Variants in RASAL2 observed in about 807,000 individuals in gnomAD.
RASAL2 encodes the protein RAS protein activator like 2.
Under a neutral mutation model 128.9 loss-of-function variants are expected in RASAL2, and 58 were observed. The observed-to-expected ratio is 0.45, with a 90% confidence interval of 0.36 to 0.56. The LOEUF (loss-of-function observed/expected upper bound fraction) is 0.56, where lower values mean the gene tolerates loss of function less well. RASAL2 is among the 20% of genes least tolerant of loss of function. The probability of loss-of-function intolerance (pLI) is 0.00; values close to 1 mark genes in which losing one functional copy is unlikely to be tolerated. For synonymous variants in RASAL2, 561 were observed against 580.8 expected, an observed-to-expected ratio of 0.97 and a Z score of 0.49; for missense variants, 1,360 against 1,601.6, an observed-to-expected ratio of 0.85 and a Z score of 2.57.
intron 3 of RASAL2, among the ~76,000 whole-genome samples, chr1:178,349,770 T>C (rs750696624): frequency 1.3e-5 from 2 of 152,212 alleles, no homozygotes; most frequent in African/African-American, 2.4e-5. Context: ...TTGGCTTTAA[T>C]ATAATTTTGC....
chr1:178,241,263 A>G (rs988410063), intron 1 of RASAL2, among the ~76,000 whole-genome samples: 95 of 152,152 alleles, frequency 6.2e-4, no homozygotes, highest in African/African-American at 2.2e-3. Flanking sequence ...AAAGAATGAA[A>G]GAATGAAGAG....
chr1:178,401,357 G>A (rs1673617310), intron 4 of RASAL2, among the ~76,000 whole-genome samples: 1 of 152,204 alleles, frequency 6.6e-6, no homozygotes, highest in Non-Finnish European at 1.5e-5. Flanking sequence ...TAGTGAGTAG[G>A]AAGAATTTCT....
chr1:178,214,888 T>C (rs1325611658), intron 1 of RASAL2, among the ~76,000 whole-genome samples: 1 of 152,194 alleles, frequency 6.6e-6, no homozygotes, highest in Non-Finnish European at 1.5e-5. Context: ...ATTTTGCATT[T>C]ATCCCTAGTA....
chr1:178,357,317 T>G (rs1391042349), intron 3 of RASAL2, among the ~76,000 whole-genome samples: 1 of 152,154 alleles, frequency 6.6e-6, no homozygotes, highest in Non-Finnish European at 1.5e-5. Context: ...GAAATGAGAT[T>G]TTTTTTCAGC....
At chr1:178,263,353 C>T (rs1019277318) in intron 1 of RASAL2, among the ~76,000 whole-genome samples, 1 of 152,108 alleles carries the variant, frequency 6.6e-6, no homozygotes, top group African/African-American at 2.4e-5. Context: ...CACCACATTC[C>T]TACATAGTAG....
chr1:178,368,232 T>G (rs967186750), intron 3 of RASAL2, among the ~76,000 whole-genome samples: 3 of 152,194 alleles, frequency 2.0e-5, no homozygotes, highest in Non-Finnish European at 2.9e-5. Context: ...ACTGGCTGTG[T>G]TGATTTGGAA....
chr1:178,181,466 T>A (rs1195171131), intron 1 of RASAL2, among the ~76,000 whole-genome samples: 5 of 152,206 alleles, frequency 3.3e-5, no homozygotes, highest in African/African-American at 1.2e-4. Context: ...CACGCCATTC[T>A]CCTGCCTCAG....
At chr1:178,199,242 C>T (rs188689595) in intron 1 of RASAL2, among the ~76,000 whole-genome samples, 8 of 152,190 alleles carry the variant, frequency 5.3e-5, no homozygotes, top group Non-Finnish European at 1.0e-4. Context: ...GGAAATCCCT[C>T]GACACCTTGC....
At chr1:178,141,177 A>ACTTTT (rs1204693680) in intron 1 of RASAL2, among the ~76,000 whole-genome samples, 39 of 126,426 alleles carry the variant, frequency 3.1e-4, no homozygotes, top group African/African-American at 4.2e-4. Context: ...ACTGGAGACC[A>ACTTTT]CTTTTCTTTT....
chr1:178,388,397 A>T lies in RASAL2; in HGVS notation c.458-1703A>T, dbSNP rs1486573413. Among the ~76,000 whole-genome samples the T allele has an allele frequency of 4.6e-5, 7 of 152,206 alleles. No individual in the cohort carries two copies. In the East Asian group the frequency reaches 1.3e-3, roughly 29 times the overall value. ...CCATTTTTCAGCGATGTGCATTAGA[A>T]GTCATGTGTGCCTAATTCTGAGAAC... On this transcript the variant is annotated intron_variant, in intron 3 of 17. Transcript: ENST00000367649.
chr1:178,174,564 CT>C (rs1440049205), intron 1 of RASAL2, among the ~76,000 whole-genome samples: 4 of 152,050 alleles, frequency 2.6e-5, no homozygotes, highest in Non-Finnish European at 5.9e-5. Flanking sequence ...AGGTTGGCAC[CT>C]GATAAAATGA....
intron 4 of RASAL2, among the ~76,000 whole-genome samples, chr1:178,405,349 G>C (rs963986095): frequency 1.3e-5 from 2 of 152,184 alleles, no homozygotes; most frequent in African/African-American, 4.8e-5. Flanking sequence ...TAGAATAGTG[G>C]TTCCTCCCCC....
At chr1:178,137,849 CT>C (rs1189801603) in intron 1 of RASAL2, among the ~76,000 whole-genome samples, 1 of 152,112 alleles carries the variant, frequency 6.6e-6, no homozygotes, top group Non-Finnish European at 1.5e-5. Flanking sequence ...TACCAAATAA[CT>C]TTTTTTAAAC....
intron 1 of RASAL2, among the ~76,000 whole-genome samples, chr1:178,255,708 A>G (rs1665312932): frequency 6.6e-6 from 1 of 152,086 alleles, no homozygotes; most frequent in Admixed American, 6.6e-5. Flanking sequence ...AAAATGAAAA[A>G]TAACTTTATT....
At chr1:178,143,762 T>G (rs1660621309) in intron 1 of RASAL2, among the ~76,000 whole-genome samples, 1 of 151,544 alleles carries the variant, frequency 6.6e-6, no homozygotes, top group Non-Finnish European at 1.5e-5. Context: ...GGGTTTTTTT[T>G]TTTTTGACAA....
Position 178,439,508 on chromosome 1 carries a change from G to A in RASAL2, c.761G>A (p.Gly254Asp), listed in dbSNP as rs1311094004. 1.9e-6 allele frequency: 3 copies of A among 1,612,964 alleles called. No individual in the cohort carries two copies. In the South Asian group the frequency reaches 3.3e-5, roughly 18 times the overall value. ...AGCACAGTGGAATGTCTGGATCTTG[G>A]TAGAGGGGAACCTGTATCAGTGAAA... Reference protein sequence around the residue: ...PCSTVECLDLGRGEPVSVKPL... With the variant: ...PCSTVECLDLDRGEPVSVKPL... The change falls in exon 6 of 18, where the codon GGT becomes GAT. Residue 254 changes from glycine (G) to aspartate (D), a missense_variant. Coordinates refer to ENST00000367649, the MANE Select transcript of RASAL2 (RefSeq NM_170692.4).
intron 1 of RASAL2, among the ~76,000 whole-genome samples, chr1:178,124,921 A>C (rs973837874): frequency 6.6e-6 from 1 of 152,206 alleles, no homozygotes; most frequent in Non-Finnish European, 1.5e-5. Context: ...TCCTTTCTCC[A>C]TAAGCTTTCT....
At chr1:178,201,036 G>C (rs1662848570) in intron 1 of RASAL2, among the ~76,000 whole-genome samples, 1 of 152,182 alleles carries the variant, frequency 6.6e-6, no homozygotes. Flanking sequence ...GCTCCTAGAG[G>C]TGAGGTTCAG....
At chr1:178,352,188 T>C (rs188817156) in intron 3 of RASAL2, among the ~76,000 whole-genome samples, 1 of 152,324 alleles carries the variant, frequency 6.6e-6, no homozygotes, top group East Asian at 1.9e-4. Flanking sequence ...TAAGTGGAAA[T>C]ACCACTACTA....
Sources: allele counts gnomAD v4.1 joint callset (sites outside exome capture counted in the v4.1 genomes callset), GRCh38; gene constraint gnomAD v4.1.1; transcripts MANE v1.5; gene names NCBI Gene and HGNC (gene_info 2026-07-23, HGNC 2026-07-21).